TMC2: variants seen among roughly 807,000 people sequenced by gnomAD.
The protein encoded by TMC2 is transmembrane channel-like protein 2.
A neutral mutation model predicts 105.9 loss-of-function variants in TMC2; 102 were observed. The observed-to-expected ratio is 0.96, with a 90% CI of 0.82 to 1.14. The LOEUF is 1.14. TMC2 is among the 50% of genes most tolerant of loss of function. The probability of loss-of-function intolerance (pLI) is 0.00; values close to 1 mark genes in which losing one functional copy is unlikely to be tolerated. For missense variants in TMC2, 1,093 were observed against 1,134.3 expected, an observed-to-expected ratio of 0.96 and a Z score of 0.52; for synonymous variants, 402 against 422.8, an observed-to-expected ratio of 0.95 and a Z score of 0.60.
rs1473807085 is a variant in TMC2, at chr20:2,624,331, C to T, written c.2241C>T (p.Phe747=). ...QETIENDFPT[F]LGKIFAFLAN... ...CCATTGAAAACGATTTCCCAACCTTCCTGGGCAAGATCTTTGCTTTCCTCG... is the reference window on the plus strand; with the variant it reads ...CCATTGAAAACGATTTCCCAACCTTTCTGGGCAAGATCTTTGCTTTCCTCG... Residue 747 remains phenylalanine (F), a synonymous_variant, in exon 17 of 20, where the codon TTC becomes TTT. Coordinates refer to ENST00000358864, the MANE Select transcript of TMC2 (RefSeq NM_080751.3). 6.2e-7 allele frequency: 1 copy of T among 1,614,066 alleles called. No individual in the cohort carries two copies. The highest frequency in any genetic ancestry group is 2.2e-5 in the East Asian group (1 of 44,888).
At chr20:2,599,384 G>C (rs2086333379) in intron 10 of TMC2, among the ~76,000 whole-genome samples, 1 of 151,570 alleles carries the variant, frequency 6.6e-6, no homozygotes, top group Non-Finnish European at 1.5e-5. Flanking sequence ...GGTTTGAGGA[G>C]GTCTACAGAA....
Position 2,561,853 on chromosome 20 carries a change from TC to T in TMC2, c.402-3del, listed in dbSNP as rs1255606400. On this transcript the variant is annotated splice_polypyrimidine_tract_variant and splice_region_variant and intron_variant, in intron 3 of 19. Coordinates refer to ENST00000358864, the MANE Select transcript of TMC2 (RefSeq NM_080751.3). ...CCTCTGCCTCCGCCCTGGCTCTGCC[TC>T]CAGGTCATCCTCCTTGGCCTCCAGT... The T allele has an allele frequency of 3.7e-6, 6 of 1,612,494 alleles. No homozygotes were observed. Among genetic ancestry groups the T allele is most frequent in the Non-Finnish European group, 5.1e-6 (6 of 1,179,242 alleles).
intron 4 of TMC2, among the ~76,000 whole-genome samples, chr20:2,568,476 T>C (rs1756685235): frequency 6.6e-6 from 1 of 152,210 alleles, no homozygotes; most frequent in Non-Finnish European, 1.5e-5. Flanking sequence ...GTTTGCTGGA[T>C]GTCTGGACAC....
chr20:2,586,271 AC>A (rs1340010898), intron 7 of TMC2, among the ~76,000 whole-genome samples: 2 of 152,244 alleles, frequency 1.3e-5, no homozygotes, highest in African/African-American at 4.8e-5. Flanking sequence ...CTGCACCAAC[AC>A]AACAAACATA....
rs1428573850 is a variant in TMC2 at position 2,641,393 on chromosome 20, C to G, written c.*42C>G. ...GAGCCTCGACCCTAGGGCTGATCCT[C>G]AAGTACCCCAGTTTCACACATACCA... On this transcript the variant is annotated 3_prime_UTR_variant, in exon 20 of 20. Coordinates refer to ENST00000358864, the MANE Select transcript of TMC2 (RefSeq NM_080751.3). The G allele has an allele frequency of 2.2e-6, 3 of 1,334,186 alleles. No homozygotes were observed. Among genetic ancestry groups the G allele is most frequent in the Non-Finnish European group, 3.2e-6 (3 of 941,268 alleles). 82.6% of individuals were successfully genotyped at this position (1,334,186 alleles called of 1,614,324 possible).
intron 11 of TMC2, among the ~76,000 whole-genome samples, chr20:2,603,312 T>TA (rs778091585): frequency 2.6e-5 from 4 of 151,066 alleles, no homozygotes; most frequent in Admixed American, 6.6e-5. Context: ...AACAGCAATT[T>TA]AAAAAAAGAA....
At chr20:2,596,299 A>G (rs2086306000) in intron 9 of TMC2, among the ~76,000 whole-genome samples, 1 of 152,166 alleles carries the variant, frequency 6.6e-6, no homozygotes, top group Admixed American at 6.6e-5. Context: ...ACCTGATTGT[A>G]TTAGGACGGT....
chr20:2,600,854 G>C (rs142976500), intron 10 of TMC2, among the ~76,000 whole-genome samples: 2 of 151,460 alleles, frequency 1.3e-5, no homozygotes, highest in Admixed American at 1.3e-4. Context: ...GGGTGTGGTG[G>C]TGGGCACCTG....
chr20:2,571,852 TA>T (rs1484361339), intron 4 of TMC2, among the ~76,000 whole-genome samples: 1 of 151,302 alleles, frequency 6.6e-6, no homozygotes, highest in South Asian at 2.1e-4. Context: ...AATAAATAAA[TA>T]AAATAAAATC....
intron 2 of TMC2, among the ~76,000 whole-genome samples, chr20:2,557,264 C>G (rs1212511793): frequency 6.6e-6 from 1 of 152,196 alleles, no homozygotes; most frequent in East Asian, 1.9e-4. Flanking sequence ...TTTGTTCCAT[C>G]TCTGAAATTT....
At chr20:2,584,443 C>CAAAAAAAA (rs1161913633) in intron 7 of TMC2, among the ~76,000 whole-genome samples, 1 of 70,138 alleles carries the variant, frequency 1.4e-5, no homozygotes, top group Non-Finnish European at 2.9e-5. Context: ...GACTCCGTCT[C>CAAAAAAAA]AAAAAAAAAA....
chr20:2,636,803 T>C (rs6083909), intron 18 of TMC2, among the ~76,000 whole-genome samples: 114,070 of 152,002 alleles, frequency 0.75, 42,975 homozygotes, highest in East Asian at 0.87. Context: ...AATTTTTGTA[T>C]TTTTAGTACA....
chr20:2,575,991 C>G (rs1489979826), intron 5 of TMC2, among the ~76,000 whole-genome samples: 1 of 152,164 alleles, frequency 6.6e-6, no homozygotes, highest in Non-Finnish European at 1.5e-5. Context: ...TGCTGACCTG[C>G]TTTCTAGAAT....
chr20:2,638,564 T>C (rs577470471), intron 19 of TMC2, among the ~76,000 whole-genome samples: 1 of 152,280 alleles, frequency 6.6e-6, no homozygotes, highest in East Asian at 1.9e-4. Flanking sequence ...AAGGTGTTGT[T>C]ATCACAGGAG....
chr20:2,545,875 A>AAAAGAAAG (rs2085922451), intron 2 of TMC2, among the ~76,000 whole-genome samples: 1 of 145,892 alleles, frequency 6.9e-6, no homozygotes, highest in African/African-American at 2.5e-5. Flanking sequence ...AAAAGAAAGA[A>AAAAGAAAG]AGAAAAAGAA....
At chr20:2,547,055 A>G (rs1043296955) in intron 2 of TMC2, among the ~76,000 whole-genome samples, 1 of 152,220 alleles carries the variant, frequency 6.6e-6, no homozygotes, top group African/African-American at 2.4e-5. Context: ...ATCTAAAAAC[A>G]TAATGTACAT....
intron 7 of TMC2, among the ~76,000 whole-genome samples, chr20:2,586,004 T>A (rs1006597658): frequency 6.6e-6 from 1 of 152,146 alleles, no homozygotes; most frequent in African/African-American, 2.4e-5. Context: ...GAGGCAGGGA[T>A]CATGTGAGCC....
chr20:2,539,600 C>T (rs11904991), intron 2 of TMC2, among the ~76,000 whole-genome samples: 1,722 of 152,266 alleles, frequency 0.011, 36 homozygotes, highest in African/African-American at 0.039. Flanking sequence ...TCCATGATCC[C>T]TTGCCTTGAT....
In TMC2 at chr20:2,592,145, T is replaced by C. The variant is rs188063023; in HGVS notation, c.835-165T>C. 2.2e-3 allele frequency among the ~76,000 whole-genome samples: 335 copies of C among 152,194 alleles called. 2 individuals are homozygous for C. Among genetic ancestry groups the C allele is most frequent in the African/African-American group, 7.4e-3 (308 of 41,526 alleles). ...CCAGCCTGGGTGACAAGAGTGAAACTCCATCTCAAAAAATAAAAAATGAAT... is the reference window on the plus strand; with the variant it reads ...CCAGCCTGGGTGACAAGAGTGAAACCCCATCTCAAAAAATAAAAAATGAAT... On this transcript the variant is annotated intron_variant, in intron 7 of 19. Transcript: ENST00000358864. The surrounding 1 kb of genome is among the most constrained non-coding windows in gnomAD (Gnocchi z 4.9).
Sources: allele counts gnomAD v4.1 joint callset (sites outside exome capture counted in the v4.1 genomes callset), GRCh38; gene constraint gnomAD v4.1.1; non-coding constraint Gnocchi (gnomAD v3.1); transcripts MANE v1.5; gene names NCBI Gene and HGNC (gene_info 2026-07-23, HGNC 2026-07-21).